UPRT: variants seen among roughly 807,000 people sequenced by gnomAD.
UPRT encodes the protein RP11-311P8.3.
A neutral mutation model predicts 22.6 loss-of-function variants in UPRT; 5 were observed. The ratio of observed to expected loss-of-function variants is 0.22; its 90% CI spans 0.12 to 0.47. The LOEUF is 0.47. Ranked by LOEUF, UPRT falls within the 20% of genes least tolerant of loss-of-function variation. The pLI, the probability that UPRT is intolerant of heterozygous loss-of-function variation, is 0.99. For synonymous variants in UPRT, 77 were observed against 87.7 expected, an observed-to-expected ratio of 0.88 and a Z score of 0.68; for missense variants, 181 against 239.9, an observed-to-expected ratio of 0.75 and a Z score of 1.62.
chrX:75,194,293 C>CT (rs2082325895), intron 4 of UPRT, among the ~76,000 whole-genome samples: 1 of 111,571 alleles, frequency 9.0e-6, no homozygotes, highest in African/African-American at 3.3e-5. Context: ...ATGCCCCTGG[C>CT]TTTTTTCTCT....
At chrX:75,209,061 G>A (rs375810118) in intron 4 of UPRT, among the ~76,000 whole-genome samples, 2 of 111,870 alleles carry the variant, frequency 1.8e-5, no homozygotes, top group Non-Finnish European at 3.8e-5. Context: ...GGAAGGAGTA[G>A]GTAAAGGGAG....
intron 4 of UPRT, among the ~76,000 whole-genome samples, chrX:75,218,866 C>T (rs1453553644): frequency 4.6e-5 from 5 of 108,710 alleles, no homozygotes; most frequent in Non-Finnish European, 9.5e-5. Context: ...GGAAGGGGAA[C>T]GTCACACTCT....
chrX:75,200,012 C>T, intron 4 of UPRT, among the ~76,000 whole-genome samples: 1 of 112,080 alleles, frequency 8.9e-6, no homozygotes, highest in Non-Finnish European at 1.9e-5. Flanking sequence ...ATCTTTCCAC[C>T]TCCCAAACTT....
intron 3 of UPRT, among the ~76,000 whole-genome samples, chrX:75,164,754 A>G (rs2082208609): frequency 9.0e-6 from 1 of 111,642 alleles, no homozygotes; most frequent in Non-Finnish European, 1.9e-5. Flanking sequence ...TAGGTGAATT[A>G]TATAGTATAT....
intron 4 of UPRT, among the ~76,000 whole-genome samples, chrX:75,224,477 C>T (rs966483598): frequency 9.1e-6 from 1 of 110,284 alleles, no homozygotes; most frequent in African/African-American, 3.3e-5. Context: ...TTACCACTCA[C>T]ATTGTTAGGT....
intron 1 of UPRT, among the ~76,000 whole-genome samples, chrX:75,288,764 T>C (rs2082693033): frequency 9.0e-6 from 1 of 111,546 alleles, no homozygotes; most frequent in East Asian, 2.8e-4. Flanking sequence ...AGCATTTCCC[T>C]TGAAAACTGG....
At chrX:75,264,246 G>C (rs1040304922) in intron 4 of UPRT, among the ~76,000 whole-genome samples, 1 of 111,495 alleles carries the variant, frequency 9.0e-6, no homozygotes, top group African/African-American at 3.3e-5. Context: ...GGTCCACTTG[G>C]TGCAGAGCTG....
intron 4 of UPRT, among the ~76,000 whole-genome samples, chrX:75,173,967 G>A (rs1170771299): frequency 4.5e-5 from 5 of 110,806 alleles, no homozygotes; most frequent in Admixed American, 1.9e-4. Flanking sequence ...CCCGGTTCCC[G>A]CTCCCGCCTC....
chrX:75,180,433 G>T (rs1365379468), intron 4 of UPRT, among the ~76,000 whole-genome samples: 1 of 111,840 alleles, frequency 8.9e-6, no homozygotes, highest in Non-Finnish European at 1.9e-5. Context: ...TGTATTTGAG[G>T]GTAGACGATC....
intron 1 of UPRT, 21 bp downstream of exon 1, chrX:75,274,661 G>GA (rs754693667): frequency 3.8e-5 from 44 of 1,172,842 alleles, no homozygotes; most frequent in Non-Finnish European, 5.0e-5. Context: ...AGCGGAAGGG[G>GA]AAAGGGAAGT....
chrX:75,282,495 G>T (rs1333215071), intron 1 of UPRT, among the ~76,000 whole-genome samples: 1 of 110,913 alleles, frequency 9.0e-6, no homozygotes, highest in African/African-American at 3.3e-5. Context: ...TCAGTTTGAA[G>T]AATTTTTAAA....
At chrX:75,284,392 G>A (rs776674438) in intron 1 of UPRT, among the ~76,000 whole-genome samples, 3 of 111,556 alleles carry the variant, frequency 2.7e-5, no homozygotes, top group African/African-American at 9.8e-5. Context: ...TATTACCAGG[G>A]TTTGTTTTCT....
Position 75,234,171 on chromosome X carries a change from G to T in UPRT, c.-446-56853G>T, listed in dbSNP as rs183128769. 1.0e-2 allele frequency among the ~76,000 whole-genome samples: 1,108 copies of T among 110,869 alleles called. 15 individuals are homozygous for T. The highest frequency in any genetic ancestry group is 0.034 in the African/African-American group (1,021 of 30,450). Reference sequence around the variant, plus strand: ...ATAAAACAGACTTTAAACCAACAAAGATCAAAAGAGACAAAGAAGGCCATT... The same window carrying T: ...ATAAAACAGACTTTAAACCAACAAATATCAAAAGAGACAAAGAAGGCCATT... On this transcript the variant is annotated intron_variant, in intron 4 of 13. Transcript: ENST00000652605.
chrX:75,283,323 G>A (rs2082666600), intron 1 of UPRT, among the ~76,000 whole-genome samples: 1 of 111,065 alleles, frequency 9.0e-6, no homozygotes, highest in African/African-American at 3.3e-5. Context: ...TGTGCTCTTT[G>A]TTGTCTATGT....
At chrX:75,237,858 T>A (rs1484164633) in intron 4 of UPRT, among the ~76,000 whole-genome samples, 3 of 103,723 alleles carry the variant, frequency 2.9e-5, no homozygotes, top group Non-Finnish European at 5.9e-5. Flanking sequence ...AGATGACGAG[T>A]TAGTGGGTGC....
chrX:75,287,535 A>T (rs1161927211), intron 1 of UPRT, among the ~76,000 whole-genome samples: 4 of 111,509 alleles, frequency 3.6e-5, no homozygotes. Flanking sequence ...GCCCCAGGAA[A>T]TGTTAAAGTG....
At chrX:75,220,535 A>G (rs1050952245) in intron 4 of UPRT, among the ~76,000 whole-genome samples, 1 of 110,734 alleles carries the variant, frequency 9.0e-6, no homozygotes, top group Non-Finnish European at 1.9e-5. Flanking sequence ...CTTTGATGGT[A>G]TGTTTTAATT....
chrX:75,217,437 G>A (rs1400619661), intron 4 of UPRT, among the ~76,000 whole-genome samples: 7 of 111,629 alleles, frequency 6.3e-5, no homozygotes, highest in Non-Finnish European at 1.1e-4. Context: ...GTACCCATGA[G>A]CATGGAATGT....
At chrX:75,268,956 AG>A (rs1410505722) in intron 4 of UPRT, among the ~76,000 whole-genome samples, 1 of 111,638 alleles carries the variant, frequency 9.0e-6, no homozygotes, top group African/African-American at 3.3e-5. Flanking sequence ...ATAGGAACAG[AG>A]GAAGTCAAAT....
Sources: gnomAD v4.1 joint callset for allele counts (sites outside exome capture counted in the v4.1 genomes callset) on GRCh38, gnomAD v4.1.1 for gene constraint, MANE v1.5 for transcripts, NCBI Gene and HGNC (gene_info 2026-07-23, HGNC 2026-07-21) for gene names.